The following MYCBPAP variants were observed in gnomAD, a reference collection of about 807,000 sequenced individuals.
MYCBPAP encodes MYCBP associated protein.
MYCBPAP carries 60 observed loss-of-function variants against 106.1 expected under a neutral mutation model. That is an observed-to-expected ratio of 0.57 (90% confidence interval 0.46 to 0.70). The LOEUF is 0.70. Among genes scored for constraint, MYCBPAP ranks in the 30% least tolerant of loss-of-function variants. The pLI is 0.00. For synonymous variants in MYCBPAP, 407 were observed against 440.6 expected (o/e 0.92, Z 0.95); for missense variants, 1,064 against 1,169.3 (o/e 0.91, Z 1.31).
At position 50,518,663 on chromosome 17, in the gene MYCBPAP, C is replaced by T; in HGVS notation, c.591C>T (p.Asn197=). ...CCTGGGCCCCACCTCCTCAGCACAA[C>T]TTTCTGAAAAACTGGCAGCGTAACA... ...RPPWAPPPQH[N]FLKNWQRNTA... Residue 197 remains asparagine (N), a synonymous_variant, in exon 5 of 19, where the codon AAC becomes AAT. Coordinates refer to ENST00000323776, the MANE Select transcript of MYCBPAP (RefSeq NM_032133.6). 1.2e-6 allele frequency: 2 copies of T among 1,606,872 alleles called. No homozygotes were observed. Among genetic ancestry groups the T allele is most frequent in the Non-Finnish European group, 1.7e-6 (2 of 1,177,882 alleles).
At chr17:50,528,310 T>C (rs769019008) in intron 16 of MYCBPAP, 40 bp downstream of exon 16, 3 of 1,477,296 alleles carry the variant, frequency 2.0e-6, no homozygotes, top group Non-Finnish European at 2.8e-6. Context: ...TGCATAGCCC[T>C]CCTCATCTCT....
intron 1 of MYCBPAP, among the ~76,000 whole-genome samples, chr17:50,511,940 T>A (rs2033864557): frequency 6.6e-6 from 1 of 152,074 alleles, no homozygotes; most frequent in Non-Finnish European, 1.5e-5. Context: ...TGTCATCAAC[T>A]CACTCCCCTG....
Position 50,528,729 on chromosome 17 carries a change from A to G in MYCBPAP, c.2442A>G (p.Val814=), listed in dbSNP as rs1302781515. ...CACCTCCTATCATGGAAGTGAAGGT[A>G]CCTGTGGGGAAAGCTGGGAAGGAGG... ...QKSPPIMEVK[V]PVGKAGKEER... The change falls in exon 17 of 19, where the codon GTA becomes GTG. Residue 814 remains valine, a synonymous_variant. Coordinates refer to ENST00000323776, the MANE Select transcript of MYCBPAP (RefSeq NM_032133.6). The G allele has an allele frequency of 1.2e-6, 2 of 1,614,016 alleles. No homozygotes were observed. The highest frequency in any genetic ancestry group is 3.3e-5 in the Admixed American group (2 of 59,998).
At chr17:50,514,783 A>G (rs1412457559) in intron 1 of MYCBPAP, 1 of 248,072 alleles carries the variant, frequency 4.0e-6, no homozygotes, top group Middle Eastern at 7.8e-4. Flanking sequence ...TCAGCCTCCC[A>G]AGTGGTTGGG....
chr17:50,529,820 C>CA, intron 18 of MYCBPAP: 1 of 456,644 alleles, frequency 2.2e-6, no homozygotes, highest in Non-Finnish European at 4.4e-6. Flanking sequence ...GCATTCCCAT[C>CA]AACTGTAAGA....
At chr17:50,527,044 A>C (rs904144271) in intron 14 of MYCBPAP, among the ~76,000 whole-genome samples, 3 of 152,198 alleles carry the variant, frequency 2.0e-5, no homozygotes, top group African/African-American at 7.2e-5. Context: ...GGGGTGCCCA[A>C]GCTGCTATAT....
chr17:50,521,412 T>G lies in MYCBPAP; in HGVS notation c.1129T>G (p.Ser377Ala), dbSNP rs558139340. The G allele has an allele frequency of 1.3e-6, 2 of 1,598,064 alleles. No homozygotes were observed. The highest frequency in any genetic ancestry group is 1.7e-6 in the Non-Finnish European group (2 of 1,171,072). ...TVFERSQGSS[S>A]EDTAYLGTLA... ...GTTTGAAAGAAGTCAGGGAAGCTCCTCTGAAGACACAGCATACTTGTGAGT... is the reference window on the plus strand; with the variant it reads ...GTTTGAAAGAAGTCAGGGAAGCTCCGCTGAAGACACAGCATACTTGTGAGT... Residue 377 changes from serine to alanine, a missense_variant, in exon 9 of 19, where the codon TCT becomes GCT. Coordinates refer to ENST00000323776, the MANE Select transcript of MYCBPAP (RefSeq NM_032133.6).
At chr17:50,518,808 G>T (rs907149277) in intron 5 of MYCBPAP, 84 bp downstream of exon 5, 2 of 1,535,740 alleles carry the variant, frequency 1.3e-6, no homozygotes, top group African/African-American at 2.8e-5. Flanking sequence ...CCAGAGCCTG[G>T]CCTTGGGCTG....
rs1473578827 is a variant in MYCBPAP at position 50,519,667 on chromosome 17, C to T, written c.796C>T (p.Arg266Ter). ...CTGGGAGAACAGTGGGTTCTGGAGTCGACTGGAATACTTGGGAGATGAGAT... is the reference window on the plus strand; with the variant it reads ...CTGGGAGAACAGTGGGTTCTGGAGTTGACTGGAATACTTGGGAGATGAGAT... ...KSWENSGFWS[R>*]LEYLGDEMTG... is the part of the protein sequence containing the mutation. Residue 266 changes from arginine to a stop codon, truncating the protein, a stop_gained, in exon 7 of 19, where the codon CGA becomes TGA. Transcript: ENST00000323776. LOFTEE classifies it high-confidence loss of function. 3.7e-6 allele frequency: 6 copies of T among 1,614,014 alleles called. No individual in the cohort carries two copies. The highest frequency in any genetic ancestry group is 5.1e-6 in the Non-Finnish European group (6 of 1,180,022).
chr17:50,516,814 A>G (rs2034069845), intron 2 of MYCBPAP, 117 bp downstream of exon 2: 1 of 1,101,790 alleles, frequency 9.1e-7, no homozygotes. Flanking sequence ...CCATGGAAAA[A>G]CCCACTGAAC....
At chr17:50,521,564 C>A in intron 9 of MYCBPAP, 133 bp downstream of exon 9, 1 of 674,268 alleles carries the variant, frequency 1.5e-6, no homozygotes, top group South Asian at 1.8e-5. Context: ...GCCACCCACT[C>A]CTTGAACCCA....
At chr17:50,531,225 C>G in intron 18 of MYCBPAP, 102 bp from the exon 19 acceptor site, 2 of 683,454 alleles carry the variant, frequency 2.9e-6, no homozygotes, top group East Asian at 3.3e-5. Flanking sequence ...TCACAAACAA[C>G]TGGTTTCTTT....
Position 50,529,083 on chromosome 17 carries a change from G to A in MYCBPAP, c.2619G>A (p.Gln873=), listed in dbSNP as rs1263813218. 6.2e-7 allele frequency: 1 copy of A among 1,614,088 alleles called. No individual in the cohort carries two copies. Among genetic ancestry groups the A allele is most frequent in the East Asian group, 2.2e-5 (1 of 44,886 alleles). The change falls in exon 18 of 19, where the codon CAG becomes CAA. Residue 873 remains glutamine, a synonymous_variant. Coordinates refer to ENST00000323776, the MANE Select transcript of MYCBPAP (RefSeq NM_032133.6). ...AGAAAGTCATAAAATCTGCAAGTCAGGACAGGTTTTCTTTGGAAGACCCTA... is the reference window on the plus strand; with the variant it reads ...AGAAAGTCATAAAATCTGCAAGTCAAGACAGGTTTTCTTTGGAAGACCCTA... ...DDKKVIKSAS[Q]DRFSLEDPTP...
At chr17:50,511,993 A>G (rs1211614928) in intron 1 of MYCBPAP, among the ~76,000 whole-genome samples, 1 of 150,996 alleles carries the variant, frequency 6.6e-6, no homozygotes, top group African/African-American at 2.4e-5. Flanking sequence ...CAAAGCTGTC[A>G]TGCCCTGGTT....
chr17:50,524,991 G>A lies in MYCBPAP; in HGVS notation c.1750G>A (p.Glu584Lys), dbSNP rs375725460. 4.5e-5 allele frequency: 73 copies of A among 1,613,606 alleles called. No individual in the cohort carries two copies. The highest frequency in any genetic ancestry group is 5.6e-5 in the Non-Finnish European group (66 of 1,179,900). ...TPSPVDAYLT[E>K]EDLFRHRNPP... ...ATCACCTGTGGATGCCTATCTCACC[G>A]AGGAAGACTTGTTCCGGCACAGAAA... The change falls in exon 13 of 19, where the codon GAG becomes AAG. Residue 584 changes from glutamate to lysine, a missense_variant. Coordinates refer to ENST00000323776, the MANE Select transcript of MYCBPAP (RefSeq NM_032133.6).
At chr17:50,519,178 T>C in intron 6 of MYCBPAP, 89 bp downstream of exon 6, 1 of 927,328 alleles carries the variant, frequency 1.1e-6, no homozygotes, top group Non-Finnish European at 1.7e-6. Flanking sequence ...GATGCTGGTC[T>C]CAGGTGGCAC....
At chr17:50,519,513 C>A in intron 6 of MYCBPAP, 127 bp from the exon 7 acceptor site, 1 of 1,145,570 alleles carries the variant, frequency 8.7e-7, no homozygotes, top group East Asian at 2.5e-5. Context: ...GTTATGCAAT[C>A]ACGGCAGCAA....
chr17:50,519,137 G>GC lies in MYCBPAP; in HGVS notation c.768+48_768+49insC, dbSNP rs2034164636. Reference sequence around the variant, plus strand: ...CCCGGGGGCAGGGGGGTCCATGGAGGAGGGGGCGGGGGCAGGTGTCTGGAC... The same window carrying GC: ...CCCGGGGGCAGGGGGGTCCATGGAGGCAGGGGGCGGGGGCAGGTGTCTGGAC... On this transcript the variant is annotated intron_variant, in intron 6 of 18. Coordinates refer to ENST00000323776, the MANE Select transcript of MYCBPAP (RefSeq NM_032133.6). The GC allele has an allele frequency of 1.8e-5, 23 of 1,252,960 alleles. No homozygotes were observed. In the East Asian group the frequency reaches 2.0e-4, roughly 11 times the overall value. 77.6% of individuals were successfully genotyped at this position (1,252,960 alleles called of 1,614,324 possible).
chr17:50,511,016 G>C (rs79986100), intron 1 of MYCBPAP, among the ~76,000 whole-genome samples: 2,256 of 151,632 alleles, frequency 0.015, 52 homozygotes, highest in African/African-American at 0.051. Context: ...AATTTAGTTT[G>C]TTAATTAACC....
Sources: allele counts gnomAD v4.1 joint callset (sites outside exome capture counted in the v4.1 genomes callset), GRCh38; gene constraint gnomAD v4.1.1; transcripts MANE v1.5; gene names NCBI Gene and HGNC (gene_info 2026-07-23, HGNC 2026-07-21).